Variants in CACNB2 observed in about 807,000 individuals in gnomAD.
The protein encoded by CACNB2 is calcium voltage-gated channel auxiliary subunit beta 2, also known as voltage-dependent L-type calcium channel subunit beta-2.
CACNB2 carries 42 observed loss-of-function variants against 73.3 expected under a neutral mutation model. The observed-to-expected ratio is 0.57, with a 90% confidence interval of 0.45 to 0.74. The LOEUF (loss-of-function observed/expected upper bound fraction) is 0.74. CACNB2 is among the 30% of genes least tolerant of loss of function. The pLI, the probability that CACNB2 is intolerant of heterozygous loss-of-function variation, is 0.00. For missense variants in CACNB2, 940 were observed against 853.0 expected, an observed-to-expected ratio of 1.10 and a Z score of -1.27; for synonymous variants, 348 against 310.3, an observed-to-expected ratio of 1.12 and a Z score of -1.28.
intron 2 of CACNB2, among the ~76,000 whole-genome samples, chr10:18,315,499 TAAAAAAAAAA>T (rs756721525): frequency 4.6e-4 from 18 of 39,520 alleles, no homozygotes; most frequent in African/African-American, 6.9e-4. Flanking sequence ...TGTCTCTATT[TAAAAAAAAAA>T]AAAAAAAAAA....
At chr10:18,200,619 C>G (rs1325758483) in intron 2 of CACNB2, among the ~76,000 whole-genome samples, 2 of 151,890 alleles carry the variant, frequency 1.3e-5, no homozygotes, top group Admixed American at 1.3e-4. Flanking sequence ...ATTATTTTAT[C>G]TGCTTAGAGG....
At chr10:18,473,884 G>A (rs917295516) in intron 3 of CACNB2, among the ~76,000 whole-genome samples, 1 of 152,256 alleles carries the variant, frequency 6.6e-6, no homozygotes, top group African/African-American at 2.4e-5. Flanking sequence ...GGGTGTAACT[G>A]GATTTAAGTG....
rs183645995 is a variant in CACNB2 at position 18,497,272 on chromosome 10, T to G, written c.334-1083T>G. 2.0e-3 allele frequency among the ~76,000 whole-genome samples: 301 copies of G among 151,862 alleles called. 4 individuals carry two copies. The highest frequency in any genetic ancestry group is 6.7e-3 in the African/African-American group (278 of 41,440). Reference sequence around the variant, plus strand: ...AAGAAATATATAGAAGCAATCCACTTGCCCATAATGGGAAAGAAATACAAT... The same window carrying G: ...AAGAAATATATAGAAGCAATCCACTGGCCCATAATGGGAAAGAAATACAAT... On this transcript the variant is annotated intron_variant, in intron 3 of 13. Transcript: ENST00000324631.
rs2054112028 is a variant in CACNB2, at chr10:18,542,573, T to A, written c.*2849T>A. 6.6e-6 allele frequency: 1 copy of A among 152,220 alleles called. No individual in the cohort carries two copies. Among genetic ancestry groups the A allele is most frequent in the Admixed American group, 6.5e-5 (1 of 15,280 alleles). 9.4% of individuals were successfully genotyped at this position (152,220 alleles called of 1,614,324 possible). On this transcript the variant is annotated 3_prime_UTR_variant, in exon 14 of 14. Transcript: ENST00000324631. ...GAGAGTTTCCATCTTTTTTATTTTGTATCTAGATTCTTAGCTTGCACTTTA... is the reference window on the plus strand; with the variant it reads ...GAGAGTTTCCATCTTTTTTATTTTGAATCTAGATTCTTAGCTTGCACTTTA...
At position 18,518,419 on chromosome 10, in the gene CACNB2, G is replaced by A. The variant is rs2051493593; in HGVS notation, c.885+3G>A. 1 of 1,591,104 alleles carries A rather than the reference G, an allele frequency of 6.3e-7. No individual in the cohort carries two copies. Among genetic ancestry groups the A allele is most frequent in the Non-Finnish European group, 8.6e-7 (1 of 1,159,248 alleles). On this transcript the variant is annotated splice_donor_region_variant and intron_variant, in intron 8 of 13. Coordinates refer to ENST00000324631, the MANE Select transcript of CACNB2 (RefSeq NM_201596.3). ...GCCCTTCTCTGAAGGGCTACGAGGTGGGTAGCAGCCTTCCACAGGAAGCTT... is the reference window on the plus strand; with the variant it reads ...GCCCTTCTCTGAAGGGCTACGAGGTAGGTAGCAGCCTTCCACAGGAAGCTT...
chr10:18,385,466 C>T (rs1589208940), intron 2 of CACNB2, among the ~76,000 whole-genome samples: 1 of 135,658 alleles, frequency 7.4e-6, no homozygotes, highest in African/African-American at 2.8e-5. Flanking sequence ...TTAAAATGCA[C>T]TTATCAAAAA....
chr10:18,454,847 T>G (rs2047195452), intron 3 of CACNB2, among the ~76,000 whole-genome samples: 1 of 152,170 alleles, frequency 6.6e-6, no homozygotes, highest in Admixed American at 6.5e-5. Context: ...AAGGCCTGCC[T>G]GGGCAACATA....
rs1042018077 is a variant in CACNB2 at position 18,385,538 on chromosome 10, A to G, written c.214-16386A>G. On this transcript the variant is annotated intron_variant, in intron 2 of 13. Transcript: ENST00000324631. ...GCTACTAGGGAGGCTGAGGCAGGAGAATCGCTTGAACTCAGGAGGCAGAGC... is the reference window on the plus strand; with the variant it reads ...GCTACTAGGGAGGCTGAGGCAGGAGGATCGCTTGAACTCAGGAGGCAGAGC... 3.3e-5 allele frequency among the ~76,000 whole-genome samples: 5 copies of G among 151,160 alleles called. No homozygotes were observed. In the South Asian group the frequency reaches 1.1e-3, roughly 32 times the overall value.
chr10:18,402,569 C>G (rs751813841), intron 3 of CACNB2, among the ~76,000 whole-genome samples: 3 of 152,116 alleles, frequency 2.0e-5, no homozygotes, highest in South Asian at 4.1e-4. Flanking sequence ...AAAGTTTCTT[C>G]TCTTAGAACA....
intron 2 of CACNB2, among the ~76,000 whole-genome samples, chr10:18,306,339 G>T (rs993818517): frequency 1.2e-4 from 18 of 152,154 alleles, no homozygotes; most frequent in African/African-American, 4.1e-4. Context: ...GAAAGTAGAA[G>T]ATAGGACAAA....
intron 3 of CACNB2, among the ~76,000 whole-genome samples, chr10:18,456,019 G>A (rs10828726): frequency 0.46 from 70,039 of 152,000 alleles, 17,604 homozygotes; most frequent in Non-Finnish European, 0.58. Context: ...TATTTCCTGC[G>A]TTTACAGACA....
chr10:18,157,352 T>C (rs1442527904), intron 2 of CACNB2, among the ~76,000 whole-genome samples: 6 of 152,234 alleles, frequency 3.9e-5, no homozygotes, highest in Non-Finnish European at 8.8e-5. Context: ...TAACTGAATC[T>C]TTCTGTACAG....
chr10:18,150,489 C>T (rs985526661), intron 1 of CACNB2, among the ~76,000 whole-genome samples: 1 of 152,170 alleles, frequency 6.6e-6, no homozygotes, highest in Admixed American at 6.5e-5. Context: ...CATGGAGAAA[C>T]CCTGTCTCTA....
At chr10:18,207,892 G>A (rs1199787565) in intron 2 of CACNB2, among the ~76,000 whole-genome samples, 1 of 152,100 alleles carries the variant, frequency 6.6e-6, no homozygotes, top group Non-Finnish European at 1.5e-5. Flanking sequence ...TTATGAAAAA[G>A]GAGTTATCAT....
chr10:18,221,693 A>C (rs1279978551), intron 2 of CACNB2, among the ~76,000 whole-genome samples: 1 of 152,146 alleles, frequency 6.6e-6, no homozygotes, highest in Non-Finnish European at 1.5e-5. Context: ...TAAAAGTAAA[A>C]AATGAAAACC....
Position 18,518,420 on chromosome 10 carries a change from G to A in CACNB2, c.885+4G>A. The A allele has an allele frequency of 1.3e-6, 2 of 1,588,260 alleles. No individual in the cohort carries two copies. Among genetic ancestry groups the A allele is most frequent in the African/African-American group, 1.3e-5 (1 of 74,452 alleles). On this transcript the variant is annotated splice_donor_region_variant and intron_variant, in intron 8 of 13. Transcript: ENST00000324631. Reference sequence around the variant, plus strand: ...CCCTTCTCTGAAGGGCTACGAGGTGGGTAGCAGCCTTCCACAGGAAGCTTA... The same window carrying A: ...CCCTTCTCTGAAGGGCTACGAGGTGAGTAGCAGCCTTCCACAGGAAGCTTA...
At chr10:18,151,128 A>C in intron 2 of CACNB2, 153 bp downstream of exon 2, 1 of 614,702 alleles carries the variant, frequency 1.6e-6, no homozygotes, top group East Asian at 2.8e-5. Context: ...TCATAATTAA[A>C]ATATTTTAAT....
At chr10:18,437,063 A>C (rs541559191) in intron 3 of CACNB2, among the ~76,000 whole-genome samples, 1 of 152,246 alleles carries the variant, frequency 6.6e-6, no homozygotes, top group African/African-American at 2.4e-5. Context: ...ATTTGACTTA[A>C]ATGTTTAAAT....
In CACNB2 at chr10:18,539,755, TTTTTG is replaced by T; in HGVS notation, c.*32_*36del. The T allele has an allele frequency of 6.3e-7, 1 of 1,586,376 alleles. No homozygotes were observed. Among genetic ancestry groups the T allele is most frequent in the Admixed American group, 1.8e-5 (1 of 55,094 alleles). Reference sequence around the variant, plus strand: ...GCCCGTTTGTGTTTTTTTTTTTTTTTTTTTGAAGTCTTGTATAACTAACAGCATCC... The same window carrying T: ...GCCCGTTTGTGTTTTTTTTTTTTTTTAAGTCTTGTATAACTAACAGCATCC... On this transcript the variant is annotated 3_prime_UTR_variant, in exon 14 of 14. Coordinates refer to ENST00000324631, the MANE Select transcript of CACNB2 (RefSeq NM_201596.3).
Sources: allele counts gnomAD v4.1 joint callset (sites outside exome capture counted in the v4.1 genomes callset), GRCh38; gene constraint gnomAD v4.1.1; transcripts MANE v1.5; gene names NCBI Gene and HGNC (gene_info 2026-07-23, HGNC 2026-07-21).